TYW1: variants seen among roughly 807,000 people sequenced by gnomAD.
TYW1 encodes the protein S-adenosyl-L-methionine-dependent tRNA 4-demethylwyosine synthase TYW1.
Under a neutral mutation model 96.2 loss-of-function variants are expected in TYW1, and 46 were observed. The ratio of observed to expected loss-of-function variants is 0.48; its 90% CI spans 0.38 to 0.61. The LOEUF (loss-of-function observed/expected upper bound fraction) is 0.61. Among genes scored for constraint, TYW1 ranks in the 20% least tolerant of loss-of-function variants. The probability of loss-of-function intolerance (pLI) is 0.00; values close to 1 mark genes in which losing one functional copy is unlikely to be tolerated. For missense variants in TYW1, 684 were observed against 909.6 expected (o/e 0.75, Z 3.19); for synonymous variants, 274 against 323.0 (o/e 0.85, Z 1.63).
In TYW1 at chr7:67,017,963, C is replaced by G; in HGVS notation, c.681C>G (p.Ala227=). ...AAAGCAAGCACGGCAGCATTGAGGC[C>G]GACTTCAGAGCATGGAAGACCAAGT... ...VVKSKHGSIE[A]DFRAWKTKFI... Residue 227 remains alanine (A), a synonymous_variant, in exon 6 of 16, where the codon GCC becomes GCG. Coordinates refer to ENST00000359626, the MANE Select transcript of TYW1 (RefSeq NM_018264.4). 6.2e-7 allele frequency: 1 copy of G among 1,614,008 alleles called. No individual in the cohort carries two copies.
intron 15 of TYW1, among the ~76,000 whole-genome samples, chr7:67,234,396 A>T (rs1173126348): frequency 6.6e-6 from 1 of 150,442 alleles, no homozygotes; most frequent in Non-Finnish European, 1.5e-5. Context: ...GGCCCAAGTC[A>T]CTTGCTCACT....
intron 13 of TYW1, among the ~76,000 whole-genome samples, chr7:67,182,744 G>A (rs1244599838): frequency 7.3e-6 from 1 of 137,238 alleles, no homozygotes; most frequent in Non-Finnish European, 1.6e-5. Context: ...TAACAACTTG[G>A]GTGATTATTA....
chr7:67,089,656 C>A (rs1388675336), intron 11 of TYW1, among the ~76,000 whole-genome samples: 2 of 152,146 alleles, frequency 1.3e-5, no homozygotes, highest in Admixed American at 6.5e-5. Flanking sequence ...CGTGGCCAGT[C>A]CTGAGCAGCT....
chr7:67,179,770 G>A (rs1203006703), intron 13 of TYW1, among the ~76,000 whole-genome samples: 1 of 143,412 alleles, frequency 7.0e-6, no homozygotes, highest in African/African-American at 2.7e-5. Context: ...CATGTAGATG[G>A]GTTTTTGTTT....
At chr7:67,064,860 A>G (rs1348332037) in intron 9 of TYW1, among the ~76,000 whole-genome samples, 2 of 152,240 alleles carry the variant, frequency 1.3e-5, no homozygotes, top group Non-Finnish European at 2.9e-5. Flanking sequence ...ACAGAAAAAA[A>G]TAAAAGACCC....
chr7:67,093,591 A>G (rs1796790683), intron 11 of TYW1, among the ~76,000 whole-genome samples: 1 of 152,192 alleles, frequency 6.6e-6, no homozygotes, highest in Non-Finnish European at 1.5e-5. Context: ...GTTATGCTTA[A>G]TGCTGAGTTG....
intron 12 of TYW1, chr7:67,114,364 G>C (rs2115956882): frequency 6.5e-6 from 1 of 153,788 alleles, no homozygotes; most frequent in South Asian, 2.0e-4. Context: ...CTGAGCCTTG[G>C]AAGGTAGAAA....
At chr7:67,221,039 T>C (rs1801377891) in intron 15 of TYW1, among the ~76,000 whole-genome samples, 1 of 152,216 alleles carries the variant, frequency 6.6e-6, no homozygotes, top group Non-Finnish European at 1.5e-5. Context: ...GTGCTTTATT[T>C]TCTTGCTTAT....
chr7:67,150,500 C>T (rs1188639052), intron 13 of TYW1, among the ~76,000 whole-genome samples: 1 of 152,198 alleles, frequency 6.6e-6, no homozygotes, highest in Non-Finnish European at 1.5e-5. Context: ...AAGAATTAAG[C>T]TCTTTAAAGC....
At chr7:67,197,416 C>T (rs1415366163) in intron 15 of TYW1, among the ~76,000 whole-genome samples, 1 of 152,072 alleles carries the variant, frequency 6.6e-6, no homozygotes, top group African/African-American at 2.4e-5. Flanking sequence ...ACCTCTGCCT[C>T]CTCGCTTCAA....
At chr7:67,184,927 C>T (rs1392806846) in intron 14 of TYW1, among the ~76,000 whole-genome samples, 3 of 151,726 alleles carry the variant, frequency 2.0e-5, no homozygotes, top group Non-Finnish European at 2.9e-5. Flanking sequence ...AGGCTGGTCT[C>T]GAACTCCTGA....
At chr7:67,177,009 T>C (rs938406898) in intron 13 of TYW1, among the ~76,000 whole-genome samples, 9 of 152,184 alleles carry the variant, frequency 5.9e-5, no homozygotes, top group African/African-American at 2.2e-4. Context: ...ACCGTCTCTA[T>C]TGGATATCAA....
intron 13 of TYW1, among the ~76,000 whole-genome samples, chr7:67,180,924 G>A (rs1297171529): frequency 6.6e-6 from 1 of 152,036 alleles, no homozygotes. Flanking sequence ...GATTACAGGC[G>A]TGAGCCACTG....
chr7:67,001,376 C>T (rs927582274), intron 3 of TYW1, among the ~76,000 whole-genome samples: 14 of 151,598 alleles, frequency 9.2e-5, no homozygotes, highest in Admixed American at 7.9e-4. Context: ...CTTAAAGCTG[C>T]GCCATCTGAA....
chr7:67,012,937 A>G (rs1419995576), intron 4 of TYW1, among the ~76,000 whole-genome samples: 1 of 151,624 alleles, frequency 6.6e-6, no homozygotes, highest in East Asian at 1.9e-4. Context: ...AATCCAAAAA[A>G]CTTCCCATCC....
intron 13 of TYW1, among the ~76,000 whole-genome samples, chr7:67,168,192 T>C (rs1217989659): frequency 6.6e-6 from 1 of 150,810 alleles, no homozygotes; most frequent in East Asian, 1.9e-4. Flanking sequence ...TGATTTCCTT[T>C]ATTCTGCTAA....
At chr7:67,194,489 G>A (rs1389156583) in intron 14 of TYW1, among the ~76,000 whole-genome samples, 2 of 152,092 alleles carry the variant, frequency 1.3e-5, no homozygotes, top group South Asian at 2.1e-4. Context: ...GCCAGGCATG[G>A]TGGCAGGCGC....
At position 67,021,614 on chromosome 7, in the gene TYW1, G is replaced by A. The variant is rs998644386; in HGVS notation, c.862-3286G>A. 1.2e-4 allele frequency among the ~76,000 whole-genome samples: 18 copies of A among 152,322 alleles called. 1 individual carries two copies. The highest frequency in any genetic ancestry group is 4.1e-4 in the African/African-American group (17 of 41,564). On this transcript the variant is annotated intron_variant, in intron 6 of 15. Coordinates refer to ENST00000359626, the MANE Select transcript of TYW1 (RefSeq NM_018264.4). ...CATTTCCCCTTTCGATGTAGTATCT[G>A]TGTGTCTCTTACTGGATTGGAATCT...
At chr7:67,123,678 A>G (rs912958938) in intron 13 of TYW1, among the ~76,000 whole-genome samples, 3 of 152,190 alleles carry the variant, frequency 2.0e-5, no homozygotes, top group African/African-American at 7.2e-5. Flanking sequence ...AGAAGTGCCT[A>G]AAGAAGGCAA....
Sources: allele counts gnomAD v4.1 joint callset (sites outside exome capture counted in the v4.1 genomes callset), GRCh38; gene constraint gnomAD v4.1.1; transcripts MANE v1.5; gene names NCBI Gene and HGNC (gene_info 2026-07-23, HGNC 2026-07-21).